Variants in LAMC3 observed in about 807,000 individuals in gnomAD.
LAMC3 encodes the protein laminin subunit gamma 3.
LAMC3 carries 128 observed loss-of-function variants against 173.8 expected under a neutral mutation model. That is an observed-to-expected ratio of 0.74 (90% CI 0.64 to 0.85). The LOEUF (loss-of-function observed/expected upper bound fraction) is 0.85, where lower values mean the gene tolerates loss of function less well. Among genes scored for constraint, LAMC3 ranks in the 40% least tolerant of loss-of-function variants. The pLI, the probability that LAMC3 is intolerant of heterozygous loss-of-function variation, is 0.00. For synonymous variants in LAMC3, 897 were observed against 909.1 expected (o/e 0.99, Z 0.24); for missense variants, 2,022 against 2,156.0 (o/e 0.94, Z 1.23).
At chr9:131,085,387 G>C (rs1299637491) in intron 24 of LAMC3, 137 bp from the exon 25 acceptor site, 1 of 803,162 alleles carries the variant, frequency 1.2e-6, no homozygotes, top group Non-Finnish European at 2.2e-6. Context: ...AAGGCGATAT[G>C]CACGTTGCAT....
chr9:131,032,742 C>T (rs1290566600), intron 3 of LAMC3, among the ~76,000 whole-genome samples: 1 of 152,206 alleles, frequency 6.6e-6, no homozygotes, highest in Admixed American at 6.5e-5. Context: ...AATCTCAGCT[C>T]ACTGCAACCT....
At chr9:131,052,724 G>C in intron 10 of LAMC3, 41 bp downstream of exon 10, 1 of 1,576,062 alleles carries the variant, frequency 6.3e-7, no homozygotes, top group Non-Finnish European at 8.7e-7. Flanking sequence ...GGAGGTGAGA[G>C]GGGTGGTCTC....
intron 17 of LAMC3, among the ~76,000 whole-genome samples, chr9:131,070,208 G>T (rs774045719): frequency 1.3e-5 from 2 of 152,232 alleles, no homozygotes; most frequent in African/African-American, 2.4e-5. Context: ...GGTGGCTGGT[G>T]CAGAAGTCCG....
intron 13 of LAMC3, among the ~76,000 whole-genome samples, chr9:131,062,683 A>T (rs564745062): frequency 6.6e-6 from 1 of 152,036 alleles, no homozygotes; most frequent in Non-Finnish European, 1.5e-5. Flanking sequence ...AGCCTGGCCA[A>T]CGTGGCAAAA....
At chr9:131,032,197 G>A (rs1302536822) in intron 3 of LAMC3, 22 bp downstream of exon 3, 2 of 1,562,858 alleles carry the variant, frequency 1.3e-6, no homozygotes, top group Admixed American at 3.4e-5. Flanking sequence ...GAGGGAGGCA[G>A]GGTGGCAGGG....
At chr9:131,045,488 C>G (rs751076387) in intron 7 of LAMC3, 36 bp from the exon 8 acceptor site, 1 of 1,612,116 alleles carries the variant, frequency 6.2e-7, no homozygotes, top group South Asian at 1.1e-5. Flanking sequence ...GGCTGATTCA[C>G]GTGGCCCTCG....
At chr9:131,086,385 T>G (rs917017881) in intron 25 of LAMC3, among the ~76,000 whole-genome samples, 1 of 71,466 alleles carries the variant, frequency 1.4e-5, no homozygotes, top group Non-Finnish European at 2.7e-5. Flanking sequence ...GCTTAAGGGT[T>G]TTTGGTTTTG....
rs201544665 is a variant in LAMC3, at chr9:131,039,059, G to A, written c.1165+7G>A. The A allele has an allele frequency of 1.5e-4, 247 of 1,612,836 alleles. No individual in the cohort carries two copies. The highest frequency in any genetic ancestry group is 2.0e-4 in the Non-Finnish European group (237 of 1,179,952). On this transcript the variant is annotated splice_region_variant and intron_variant, in intron 5 of 27. Coordinates refer to ENST00000361069, the MANE Select transcript of LAMC3 (RefSeq NM_006059.4). ...TGTGACTGCCAGTCGGCAGGTGAGT[G>A]GACTCCACATCCCCAGCCTCCGACC...
intron 6 of LAMC3, 88 bp downstream of exon 6, chr9:131,039,336 C>A: frequency 9.3e-7 from 1 of 1,071,282 alleles, no homozygotes. Context: ...CCTCCCCTCC[C>A]CATCCCTTCC....
intron 23 of LAMC3, among the ~76,000 whole-genome samples, chr9:131,079,767 G>C (rs915398): frequency 0.24 from 36,178 of 151,916 alleles, 5,076 homozygotes; most frequent in Non-Finnish European, 0.3. Context: ...TACAGCCTGA[G>C]ATAGGGGAGG....
chr9:131,085,946 C>T (rs1181068142), intron 25 of LAMC3: 2 of 613,476 alleles, frequency 3.3e-6, no homozygotes, highest in Admixed American at 2.5e-5. Flanking sequence ...TGAGGTGCAG[C>T]CAGCTTCATG....
Position 131,082,205 on chromosome 9 carries a change from C to G in LAMC3, c.4030+44C>G, listed in dbSNP as rs1006090226. On this transcript the variant is annotated intron_variant, in intron 24 of 27. Transcript: ENST00000361069. The stretch of plus-strand genomic sequence containing the variant: ...CCACTAGGCTGTGTAATGACGAACG[C>G]CCCTGACAGCCACTCACCTCTCGCC... 2.2e-6 allele frequency: 3 copies of G among 1,392,872 alleles called. No individual in the cohort carries two copies. In the African/African-American group the frequency reaches 4.3e-5, roughly 20 times the overall value. 86.3% of individuals were successfully genotyped at this position (1,392,872 alleles called of 1,614,324 possible).
chr9:131,036,326 T>C lies in LAMC3; in HGVS notation c.970T>C (p.Cys324Arg). Reference protein sequence around the residue: ...ARGTAEAAHECLPCNCSGRSE... With the variant: ...ARGTAEAAHERLPCNCSGRSE... ...GGGCACCGCCGAGGCTGCCCACGAG[T>C]GTCTGCGTGAGTGTCTGAGTGTCAC... The change falls in exon 4 of 28, where the codon TGT becomes CGT. Residue 324 changes from cysteine to arginine, a missense_variant. Transcript: ENST00000361069. 6.2e-7 allele frequency: 1 copy of C among 1,612,418 alleles called. No individual in the cohort carries two copies. The highest frequency in any genetic ancestry group is 8.5e-7 in the Non-Finnish European group (1 of 1,179,440).
chr9:131,025,923 A>C (rs1051322403), intron 1 of LAMC3, among the ~76,000 whole-genome samples: 12 of 152,160 alleles, frequency 7.9e-5, no homozygotes, highest in Non-Finnish European at 1.6e-4. Context: ...GTGTAGTAAA[A>C]GAAATAACTT....
rs566397150 is a variant in LAMC3 at position 131,030,921 on chromosome 9, C to T, written c.679-1124C>T. 7.2e-5 allele frequency among the ~76,000 whole-genome samples: 11 copies of T among 152,378 alleles called. 1 individual carries two copies. The highest frequency in any genetic ancestry group is 2.6e-4 in the African/African-American group (11 of 41,596). ...TCAGAAGCTGCACTTTAACCAGATC[C>T]CTGAATGCACGCTGAGCTTTGGGAA... is the stretch of plus-strand genomic sequence containing the variant. On this transcript the variant is annotated intron_variant, in intron 2 of 27. Transcript: ENST00000361069.
Position 131,032,091 on chromosome 9 carries a change from A to G in LAMC3, c.725A>G (p.Asn242Ser), listed in dbSNP as rs1242978497. The G allele has an allele frequency of 1.2e-6, 2 of 1,614,004 alleles. No homozygotes were observed. The highest frequency in any genetic ancestry group is 3.3e-5 in the Admixed American group (2 of 60,016). ...CTCCTCATCTCTCTAGACCGGCTCA[A>G]CACGTTTGGGGACGACATCTTCAAG... is the stretch of plus-strand genomic sequence containing the variant. ...TELLISLDRL[N>S]TFGDDIFKDP... The change falls in exon 3 of 28, where the codon AAC becomes AGC. Residue 242 changes from asparagine to serine, a missense_variant. Asn to Ser is a conservative substitution (Grantham distance 46). Transcript: ENST00000361069.
intron 11 of LAMC3, among the ~76,000 whole-genome samples, chr9:131,054,003 TAAAAA>T (rs767164633): frequency 1.5e-5 from 2 of 130,322 alleles, no homozygotes; most frequent in African/African-American, 2.8e-5. Context: ...ACCTTGTCTC[TAAAAA>T]AAAAAAAACA....
At chr9:131,069,166 A>C in intron 16 of LAMC3, 116 bp downstream of exon 16, 1 of 1,239,188 alleles carries the variant, frequency 8.1e-7, no homozygotes, top group Non-Finnish European at 1.2e-6. Flanking sequence ...GACATGGGAC[A>C]GGGTCCCGAG....
At chr9:131,048,259 G>A (rs56881836) in intron 8 of LAMC3, among the ~76,000 whole-genome samples, 27,814 of 151,974 alleles carry the variant, frequency 0.18, 3,155 homozygotes, top group Admixed American at 0.26. Context: ...GTTTCGCCAT[G>A]TTGGCCAGGC....
Sources: allele counts gnomAD v4.1 joint callset (sites outside exome capture counted in the v4.1 genomes callset), GRCh38; gene constraint gnomAD v4.1.1; transcripts MANE v1.5; gene names NCBI Gene and HGNC (gene_info 2026-07-23, HGNC 2026-07-21).